Variants in AP3B1 observed in about 807,000 individuals in gnomAD.
AP3B1 encodes the protein adaptor related protein complex 3 subunit beta 1.
AP3B1 carries 61 observed loss-of-function variants against 132.5 expected under a neutral mutation model. The observed-to-expected ratio is 0.46, with a 90% CI of 0.37 to 0.57. The LOEUF (loss-of-function observed/expected upper bound fraction) is 0.57. Ranked by LOEUF, AP3B1 falls within the 20% of genes least tolerant of loss-of-function variation. AP3B1 has a pLI of 0.00. For missense variants in AP3B1, 1,120 were observed against 1,289.4 expected (o/e 0.87, Z 2.01); for synonymous variants, 388 against 438.3 (o/e 0.89, Z 1.43).
chr5:78,024,365 T>C (rs924901942), intron 24 of AP3B1, among the ~76,000 whole-genome samples: 13 of 151,974 alleles, frequency 8.6e-5, no homozygotes, highest in African/African-American at 3.1e-4. Flanking sequence ...CTATTAATTA[T>C]ATTTATTTTT....
intron 22 of AP3B1, among the ~76,000 whole-genome samples, chr5:78,068,185 A>G (rs1307587618): frequency 6.6e-6 from 1 of 152,150 alleles, no homozygotes; most frequent in African/African-American, 2.4e-5. Flanking sequence ...TTAGCTGGGC[A>G]TGGTGGCACA....
At chr5:78,043,358 T>A (rs1308313574) in intron 22 of AP3B1, 1 of 178,756 alleles carries the variant, frequency 5.6e-6, no homozygotes, top group Non-Finnish European at 1.2e-5. Context: ...CTCAAACTCC[T>A]GAGTTCAATC....
chr5:78,270,511 C>T (rs10474538), intron 1 of AP3B1, among the ~76,000 whole-genome samples: 36,042 of 151,872 alleles, frequency 0.24, 5,059 homozygotes, highest in Non-Finnish European at 0.31. Flanking sequence ...GAAGGGAAGG[C>T]TGGACCTTTA....
chr5:78,117,227 C>A (rs962110848), intron 17 of AP3B1, among the ~76,000 whole-genome samples: 2 of 141,726 alleles, frequency 1.4e-5, no homozygotes, highest in African/African-American at 5.3e-5. Context: ...ACATACTATA[C>A]AATCTACTTG....
At chr5:78,270,554 C>A (rs1381538521) in intron 1 of AP3B1, among the ~76,000 whole-genome samples, 1 of 152,144 alleles carries the variant, frequency 6.6e-6, no homozygotes, top group Non-Finnish European at 1.5e-5. Context: ...AAAACACAGG[C>A]ACCTCTTTAG....
At chr5:78,237,573 C>CA (rs1440471389) in intron 3 of AP3B1, among the ~76,000 whole-genome samples, 1 of 152,020 alleles carries the variant, frequency 6.6e-6, no homozygotes, top group Non-Finnish European at 1.5e-5. Context: ...TTTGGGAGGC[C>CA]AAGGTGGGCA....
intron 26 of AP3B1, among the ~76,000 whole-genome samples, chr5:78,005,274 T>C (rs777872444): frequency 4.6e-5 from 7 of 152,204 alleles, no homozygotes; most frequent in East Asian, 1.9e-4. Context: ...CTTGGGACCA[T>C]AGAGAAGGAG....
chr5:78,270,945 T>C (rs1748521392), intron 1 of AP3B1, among the ~76,000 whole-genome samples: 1 of 152,196 alleles, frequency 6.6e-6, no homozygotes, highest in African/African-American at 2.4e-5. Flanking sequence ...AGAAAAACCC[T>C]TGCCCTCATA....
chr5:78,166,021 T>C (rs923298794), intron 11 of AP3B1, among the ~76,000 whole-genome samples: 10 of 150,658 alleles, frequency 6.6e-5, no homozygotes, highest in Admixed American at 6.0e-4. Flanking sequence ...GAGGTTGCAG[T>C]GAGCAGGAGA....
chr5:78,005,902 A>ATAGC (rs1746372227), intron 26 of AP3B1, among the ~76,000 whole-genome samples: 1 of 152,196 alleles, frequency 6.6e-6, no homozygotes, highest in Non-Finnish European at 1.5e-5. Flanking sequence ...TAAGTAATAA[A>ATAGC]TAGCTAGCTT....
chr5:78,228,055 T>C (rs1746472131), intron 4 of AP3B1, 89 bp downstream of exon 4: 3 of 834,344 alleles, frequency 3.6e-6, no homozygotes, highest in East Asian at 5.2e-5. Flanking sequence ...CTGTGCTATT[T>C]AGTGGATTAT....
chr5:78,077,699 C>A (rs1291230874), intron 22 of AP3B1, among the ~76,000 whole-genome samples: 1 of 152,206 alleles, frequency 6.6e-6, no homozygotes, highest in Non-Finnish European at 1.5e-5. Context: ...TTCTTCTACT[C>A]CAGCCACCTA....
intron 6 of AP3B1, among the ~76,000 whole-genome samples, chr5:78,224,927 TAGA>T (rs889179811): frequency 3.3e-5 from 5 of 152,050 alleles, no homozygotes; most frequent in Non-Finnish European, 5.9e-5. Context: ...ATCAGCAAAG[TAGA>T]AGATTTGAAC....
chr5:78,018,224 C>T (rs975440485), intron 25 of AP3B1, among the ~76,000 whole-genome samples: 2 of 151,830 alleles, frequency 1.3e-5, no homozygotes, highest in South Asian at 2.1e-4. Flanking sequence ...AAACTCATAG[C>T]AATGAATAAA....
chr5:78,014,626 T>C (rs1342610431), intron 26 of AP3B1, among the ~76,000 whole-genome samples: 1 of 152,150 alleles, frequency 6.6e-6, no homozygotes, highest in Non-Finnish European at 1.5e-5. Context: ...GATTGATAAT[T>C]ATATAAGAAA....
intron 20 of AP3B1, among the ~76,000 whole-genome samples, chr5:78,107,601 C>A (rs1222536228): frequency 1.3e-5 from 2 of 152,080 alleles, no homozygotes; most frequent in East Asian, 3.9e-4. Flanking sequence ...GCGAGTCTTA[C>A]ACAGAGCTGC....
At chr5:78,233,391 G>A (rs548731473) in intron 3 of AP3B1, among the ~76,000 whole-genome samples, 4 of 151,948 alleles carry the variant, frequency 2.6e-5, no homozygotes, top group South Asian at 2.1e-4. Flanking sequence ...ATGCCACCAC[G>A]CCCAGCTAAT....
intron 22 of AP3B1, among the ~76,000 whole-genome samples, chr5:78,083,347 T>C (rs965577962): frequency 5.3e-5 from 8 of 152,206 alleles, no homozygotes; most frequent in African/African-American, 1.9e-4. Flanking sequence ...GTGACCCAAA[T>C]ATACAAAGTA....
intron 1 of AP3B1, among the ~76,000 whole-genome samples, chr5:78,291,440 CAG>C (rs1191897575): frequency 4.0e-5 from 2 of 49,650 alleles, no homozygotes; most frequent in Non-Finnish European, 1.0e-4. Flanking sequence ...AAAAAAAAAA[CAG>C]AAATGACACC....
Sources: gnomAD v4.1 joint callset for allele counts (sites outside exome capture counted in the v4.1 genomes callset) on GRCh38, gnomAD v4.1.1 for gene constraint, MANE v1.5 for transcripts, NCBI Gene and HGNC (gene_info 2026-07-23, HGNC 2026-07-21) for gene names.